SLC25A24: variants seen among roughly 807,000 people sequenced by gnomAD.
SLC25A24 encodes the protein solute carrier family 25 member 24.
SLC25A24 carries 49 observed loss-of-function variants against 60.7 expected under a neutral mutation model. The observed-to-expected ratio is 0.81, with a 90% CI of 0.64 to 1.02. The LOEUF is 1.02. Ranked by LOEUF, SLC25A24 falls within the 50% of genes least tolerant of loss-of-function variation. SLC25A24 has a pLI of 0.00. For synonymous variants in SLC25A24, 202 were observed against 200.6 expected (o/e 1.01, Z -0.06); for missense variants, 564 against 586.3 (o/e 0.96, Z 0.39).
At chr1:108,175,938 C>CT (rs1318541596) in intron 3 of SLC25A24, among the ~76,000 whole-genome samples, 2 of 152,140 alleles carry the variant, frequency 1.3e-5, no homozygotes, top group Non-Finnish European at 2.9e-5. Context: ...TAAGTGCCTA[C>CT]TTCTTCAAAT....
At chr1:108,189,541 A>G (rs1201433820) in intron 1 of SLC25A24, among the ~76,000 whole-genome samples, 1 of 152,052 alleles carries the variant, frequency 6.6e-6, no homozygotes, top group East Asian at 1.9e-4. Flanking sequence ...GGCTGGGCGC[A>G]TGGTGGCTCA....
intron 3 of SLC25A24, among the ~76,000 whole-genome samples, chr1:108,173,939 T>C (rs1020156751): frequency 6.6e-6 from 1 of 152,076 alleles, no homozygotes; most frequent in Non-Finnish European, 1.5e-5. Flanking sequence ...CTAAGAGAGA[T>C]GATTTGGGGT....
intron 9 of SLC25A24, 54 bp downstream of exon 9, chr1:108,139,004 G>A: frequency 7.0e-7 from 1 of 1,420,816 alleles, no homozygotes; most frequent in Non-Finnish European, 9.3e-7. Context: ...AGTTCTAAAA[G>A]CACATTACTG....
At chr1:108,166,644 T>C (rs1041924247) in intron 3 of SLC25A24, among the ~76,000 whole-genome samples, 3 of 152,072 alleles carry the variant, frequency 2.0e-5, no homozygotes, top group Non-Finnish European at 4.4e-5. Flanking sequence ...TTCAGCTCCA[T>C]CAGCTCCTTT....
chr1:108,167,517 G>A (rs1647235992), intron 3 of SLC25A24, among the ~76,000 whole-genome samples: 7 of 152,360 alleles, frequency 4.6e-5, no homozygotes, highest in Non-Finnish European at 1.0e-4. Flanking sequence ...AAGCCCGTCA[G>A]AAAAGCGCAG....
At chr1:108,159,320 T>C (rs1487414113) in intron 4 of SLC25A24, among the ~76,000 whole-genome samples, 1 of 152,166 alleles carries the variant, frequency 6.6e-6, no homozygotes, top group Non-Finnish European at 1.5e-5. Flanking sequence ...TTGGACAATA[T>C]AGTACCTATA....
chr1:108,169,353 G>GT (rs1647363254), intron 3 of SLC25A24, among the ~76,000 whole-genome samples: 1 of 152,044 alleles, frequency 6.6e-6, no homozygotes, highest in African/African-American at 2.4e-5. Flanking sequence ...AACCAGGTGG[G>GT]TTTTTTTAAT....
At chr1:108,189,865 T>TAAA (rs113505408) in intron 1 of SLC25A24, among the ~76,000 whole-genome samples, 4 of 145,612 alleles carry the variant, frequency 2.7e-5, no homozygotes, top group African/African-American at 7.7e-5. Context: ...AAAAAAAAAT[T>TAAA]AAAAAATATA....
rs575015613 is a variant in SLC25A24, at chr1:108,137,505, G to C, written c.1250-668C>G. The stretch of plus-strand genomic sequence containing the variant: ...TGTATGTGGTTATTACACAGAGAGT[G>C]AACAAAGTGGGGCTAGATTATTAAA... On this transcript the variant is annotated intron_variant, in intron 9 of 9. Transcript: ENST00000565488. 6.6e-4 allele frequency among the ~76,000 whole-genome samples: 100 copies of C among 152,324 alleles called. 1 individual carries two copies. Among genetic ancestry groups the C allele is most frequent in the African/African-American group, 2.4e-3 (98 of 41,570 alleles).
In SLC25A24 at chr1:108,138,540, T is replaced by C. The variant is rs922562905; in HGVS notation, c.1249+518A>G. Among the ~76,000 whole-genome samples the C allele has an allele frequency of 8.7e-4, 4 of 4,596 alleles. No homozygotes were observed. In the Non-Finnish European group the frequency reaches 0.024, roughly 27 times the overall value. The allele number at this position is 4,596 out of a possible 152,430, so 3.0% of individuals were successfully genotyped here. On this transcript the variant is annotated intron_variant, in intron 9 of 9. Coordinates refer to ENST00000565488, the MANE Select transcript of SLC25A24 (RefSeq NM_013386.5). ...GGTACAGTGTAATCAAAGCCAACAA[T>C]GGAGACTGTCACAGTGAGGAGGAAT...
At chr1:108,148,248 TCA>T in intron 7 of SLC25A24, 29 bp downstream of exon 7, 2 of 1,284,478 alleles carry the variant, frequency 1.6e-6, no homozygotes, top group Non-Finnish European at 2.3e-6. Flanking sequence ...ACGAACACCA[TCA>T]CACAGTCAGA....
At chr1:108,178,281 A>C (rs1647770209) in intron 3 of SLC25A24, among the ~76,000 whole-genome samples, 1 of 152,240 alleles carries the variant, frequency 6.6e-6, no homozygotes, top group South Asian at 2.1e-4. Flanking sequence ...TACCTTCAGC[A>C]ATAGACAAAT....
intron 1 of SLC25A24, among the ~76,000 whole-genome samples, chr1:108,196,696 G>T (rs573057296): frequency 6.6e-6 from 1 of 152,134 alleles, no homozygotes; most frequent in Non-Finnish European, 1.5e-5. Context: ...CCCACTTTCC[G>T]GTTCCATGGA....
At chr1:108,161,135 T>G (rs757622675) in intron 4 of SLC25A24, 47 bp downstream of exon 4, 1 of 1,059,800 alleles carries the variant, frequency 9.4e-7, no homozygotes, top group East Asian at 2.4e-5. Flanking sequence ...TAACTGTACC[T>G]ATGGTTTATA....
At chr1:108,144,929 C>A (rs1679545263) in intron 7 of SLC25A24, among the ~76,000 whole-genome samples, 1 of 152,142 alleles carries the variant, frequency 6.6e-6, no homozygotes, top group Non-Finnish European at 1.5e-5. Flanking sequence ...AATCTATAAT[C>A]CTTTGAGTAT....
intron 7 of SLC25A24, among the ~76,000 whole-genome samples, chr1:108,146,213 T>C (rs1274291406): frequency 6.6e-6 from 1 of 152,180 alleles, no homozygotes. Context: ...TGGCTCTCTG[T>C]TTGTGTATTA....
chr1:108,153,963 A>T (rs1679819170), intron 6 of SLC25A24, among the ~76,000 whole-genome samples: 1 of 152,146 alleles, frequency 6.6e-6, no homozygotes, highest in Non-Finnish European at 1.5e-5. Context: ...AGGGTATCTC[A>T]AACATTAGCC....
chr1:108,152,638 C>T (rs539839139), intron 6 of SLC25A24, among the ~76,000 whole-genome samples: 6 of 152,336 alleles, frequency 3.9e-5, no homozygotes, highest in East Asian at 1.9e-4. Flanking sequence ...TGAGCCACCA[C>T]GCCCGGCTCC....
intron 6 of SLC25A24, among the ~76,000 whole-genome samples, chr1:108,153,890 T>C (rs1347982451): frequency 9.2e-5 from 14 of 152,166 alleles, no homozygotes; most frequent in Admixed American, 9.2e-4. Context: ...GCATTGAGTA[T>C]TTATTTATTT....
Sources: allele counts gnomAD v4.1 joint callset (sites outside exome capture counted in the v4.1 genomes callset), GRCh38; gene constraint gnomAD v4.1.1; transcripts MANE v1.5; gene names NCBI Gene and HGNC (gene_info 2026-07-23, HGNC 2026-07-21).